The following MAGI2 variants were observed in gnomAD, a reference collection of about 807,000 sequenced individuals.
MAGI2 encodes membrane-associated guanylate kinase, WW and PDZ domain-containing protein 2.
Under a neutral mutation model 133.3 loss-of-function variants are expected in MAGI2, and 35 were observed. The ratio of observed to expected loss-of-function variants is 0.26; its 90% CI spans 0.20 to 0.35. The LOEUF is 0.35. MAGI2 is among the 10% of genes least tolerant of loss of function. MAGI2 has a pLI of 1.00. For synonymous variants in MAGI2, 729 were observed against 710.6 expected (o/e 1.03, Z -0.41); for missense variants, 1,636 against 1,863.4 (o/e 0.88, Z 2.25).
chr7:79,391,528 T>TATAGAC (rs1844635171), intron 1 of MAGI2, among the ~76,000 whole-genome samples: 3 of 91,240 alleles, frequency 3.3e-5, no homozygotes, highest in African/African-American at 1.3e-4. Context: ...TATATATATA[T>TATAGAC]ATATATATAG....
At chr7:79,215,715 G>T (rs1016222675) in intron 1 of MAGI2, among the ~76,000 whole-genome samples, 3 of 151,890 alleles carry the variant, frequency 2.0e-5, no homozygotes, top group African/African-American at 7.3e-5. Context: ...TGTATTGTTT[G>T]ATGACTTCTT....
intron 7 of MAGI2, among the ~76,000 whole-genome samples, chr7:78,357,698 T>C (rs1792233206): frequency 6.6e-6 from 1 of 152,172 alleles, no homozygotes; most frequent in Non-Finnish European, 1.5e-5. Context: ...TATGATAAGT[T>C]TGAGACTAAA....
rs145961670 is a variant in MAGI2, at chr7:78,362,252, A to T, written c.1103+6904T>A. Among the ~76,000 whole-genome samples the T allele has an allele frequency of 2.8e-3, 421 of 152,266 alleles. 2 individuals carry two copies. The highest frequency in any genetic ancestry group is 9.1e-3 in the African/African-American group (379 of 41,546). Reference sequence around the variant, plus strand: ...GGGAGGCGGAGGTTGCAGTAAGCCGAGATTGCACCACTGTACTCCAGCCTG... The same window carrying T: ...GGGAGGCGGAGGTTGCAGTAAGCCGTGATTGCACCACTGTACTCCAGCCTG... On this transcript the variant is annotated intron_variant, in intron 7 of 21. Coordinates refer to ENST00000354212, the MANE Select transcript of MAGI2 (RefSeq NM_012301.4).
At chr7:78,029,607 G>A (rs1584882095) in intron 21 of MAGI2, among the ~76,000 whole-genome samples, 1 of 152,324 alleles carries the variant, frequency 6.6e-6, no homozygotes. Context: ...GGCCCTTTAG[G>A]CCATTTCTTG....
chr7:79,222,099 C>T (rs991847868), intron 1 of MAGI2, among the ~76,000 whole-genome samples: 5 of 152,124 alleles, frequency 3.3e-5, no homozygotes, highest in African/African-American at 1.2e-4. Flanking sequence ...AAATAATTTA[C>T]TTGGGGACAT....
intron 4 of MAGI2, among the ~76,000 whole-genome samples, chr7:78,517,810 T>G (rs1239146495): frequency 6.6e-6 from 1 of 152,156 alleles, no homozygotes; most frequent in Non-Finnish European, 1.5e-5. Flanking sequence ...GGTGCAATTT[T>G]GAGCAGAAGG....
At chr7:78,640,618 G>A (rs1319590) in intron 2 of MAGI2, among the ~76,000 whole-genome samples, 8,193 of 139,814 alleles carry the variant, frequency 0.059, 295 homozygotes, top group East Asian at 0.13. Flanking sequence ...ACAAAACAGA[G>A]GGGTGAATAC....
chr7:78,651,425 CGCACCCACTGAA>C (rs993854245), intron 2 of MAGI2, among the ~76,000 whole-genome samples: 7 of 151,888 alleles, frequency 4.6e-5, no homozygotes, highest in African/African-American at 1.7e-4. Flanking sequence ...ATTCTTTCAG[CGCACCCACTGAA>C]GCACCCCCTG....
At chr7:78,892,715 C>T (rs1472203879) in intron 2 of MAGI2, among the ~76,000 whole-genome samples, 3 of 152,008 alleles carry the variant, frequency 2.0e-5, no homozygotes, top group African/African-American at 2.4e-5. Flanking sequence ...TTACACCTTA[C>T]ACAAAAATTA....
Position 78,155,478 on chromosome 7 carries a change from G to A in MAGI2, c.2845+4547C>T, listed in dbSNP as rs540841418. Among the ~76,000 whole-genome samples, 5 of 152,248 alleles carry A rather than the reference G, an allele frequency of 3.3e-5. No individual in the cohort carries two copies. The East Asian group carries it at 9.7e-4, about 29-fold the overall frequency. On this transcript the variant is annotated intron_variant, in intron 16 of 21. Coordinates refer to ENST00000354212, the MANE Select transcript of MAGI2 (RefSeq NM_012301.4). ...AAAATACAAAAATTAGCTGGACATG[G>A]TGGTGCATGGTGGTCTAAGCTACCC...
At chr7:78,698,161 A>C (rs528425497) in intron 2 of MAGI2, among the ~76,000 whole-genome samples, 8 of 152,334 alleles carry the variant, frequency 5.3e-5, no homozygotes, top group African/African-American at 1.9e-4. Context: ...TTATATTCAT[A>C]TTTCCAATAA....
chr7:78,301,988 C>T (rs563334727), intron 9 of MAGI2, among the ~76,000 whole-genome samples: 1 of 152,140 alleles, frequency 6.6e-6, no homozygotes, highest in African/African-American at 2.4e-5. Flanking sequence ...ATCTAATGCA[C>T]GTAGAGCCCT....
intron 3 of MAGI2, among the ~76,000 whole-genome samples, chr7:78,551,601 C>T (rs1799338915): frequency 6.6e-6 from 1 of 152,232 alleles, no homozygotes; most frequent in Non-Finnish European, 1.5e-5. Flanking sequence ...GAAGACAGTT[C>T]TGAGGAGACT....
In MAGI2 at chr7:78,743,707, A is replaced by C. The variant is rs533844400; in HGVS notation, c.419-116468T>G. ...GAGGTGTCTACAGGCATGGTCATGC[A>C]CCAAAAGGCTTTATAAGCATAGGTG... On this transcript the variant is annotated intron_variant, in intron 2 of 21. Coordinates refer to ENST00000354212, the MANE Select transcript of MAGI2 (RefSeq NM_012301.4). 5.4e-4 allele frequency among the ~76,000 whole-genome samples: 82 copies of C among 152,332 alleles called. No individual in the cohort carries two copies. The South Asian group carries it at 0.016, about 30-fold the overall frequency.
intron 9 of MAGI2, among the ~76,000 whole-genome samples, chr7:78,286,393 A>G (rs759514589): frequency 1.3e-5 from 2 of 152,142 alleles, no homozygotes; most frequent in Non-Finnish European, 2.9e-5. Flanking sequence ...AATATATGAA[A>G]TATTTTGGGA....
intron 1 of MAGI2, among the ~76,000 whole-genome samples, chr7:79,091,556 G>C (rs1326086691): frequency 6.6e-6 from 1 of 152,026 alleles, no homozygotes; most frequent in South Asian, 2.1e-4. Context: ...AGATTTAATA[G>C]GTTAAATAGA....
intron 1 of MAGI2, among the ~76,000 whole-genome samples, chr7:79,360,884 G>A (rs1403328349): frequency 1.3e-5 from 2 of 152,066 alleles, no homozygotes; most frequent in Non-Finnish European, 2.9e-5. Context: ...CATATTATTA[G>A]TTATGTTAAA....
chr7:78,416,004 G>A (rs1400085418), intron 6 of MAGI2, among the ~76,000 whole-genome samples: 2 of 152,120 alleles, frequency 1.3e-5, no homozygotes, highest in Admixed American at 1.3e-4. Context: ...CCCAGTTCCA[G>A]GGAGCAGAAT....
chr7:78,763,395 T>C (rs1824708514), intron 2 of MAGI2, among the ~76,000 whole-genome samples: 1 of 152,220 alleles, frequency 6.6e-6, no homozygotes, highest in Non-Finnish European at 1.5e-5. Flanking sequence ...CCAGCTTCTT[T>C]TCACGTTTTC....
Sources: allele counts gnomAD v4.1 joint callset (sites outside exome capture counted in the v4.1 genomes callset), GRCh38; gene constraint gnomAD v4.1.1; transcripts MANE v1.5; gene names NCBI Gene and HGNC (gene_info 2026-07-23, HGNC 2026-07-21).